EYS: variants seen among roughly 807,000 people sequenced by gnomAD.
EYS encodes protein eyes shut homolog.
In EYS, 250 loss-of-function variants were observed where a neutral mutation model predicts 282.1. The ratio of observed to expected loss-of-function variants is 0.89; its 90% CI spans 0.80 to 0.98. The LOEUF is 0.98. Among genes scored for constraint, EYS ranks in the 50% least tolerant of loss-of-function variants. The probability of loss-of-function intolerance (pLI) is 0.00; values close to 1 mark genes in which losing one functional copy is unlikely to be tolerated. For missense variants in EYS, 4,016 were observed against 3,709.0 expected (o/e 1.08, Z -2.15); for synonymous variants, 1,355 against 1,282.9 (o/e 1.06, Z -1.20).
intron 12 of EYS, among the ~76,000 whole-genome samples, chr6:65,118,867 G>C (rs933541347): frequency 3.5e-5 from 5 of 141,414 alleles, no homozygotes; most frequent in African/African-American, 1.4e-4. Flanking sequence ...AAGTTTCACA[G>C]GTTCTTTAAG....
At chr6:65,403,864 T>G (rs1354616970) in intron 6 of EYS, among the ~76,000 whole-genome samples, 1 of 152,078 alleles carries the variant, frequency 6.6e-6, no homozygotes, top group Non-Finnish European at 1.5e-5. Flanking sequence ...TTGTCAACTT[T>G]AAAAGCAAAA....
At chr6:64,093,304 G>A (rs1382748110) in intron 31 of EYS, among the ~76,000 whole-genome samples, 2 of 152,122 alleles carry the variant, frequency 1.3e-5, no homozygotes, top group Non-Finnish European at 2.9e-5. Context: ...GTCATTGGTA[G>A]CTTGATGGGG....
chr6:64,235,552 G>A (rs892902409), intron 30 of EYS, among the ~76,000 whole-genome samples: 4 of 152,024 alleles, frequency 2.6e-5, no homozygotes, highest in Non-Finnish European at 4.4e-5. Flanking sequence ...AAAAATATAT[G>A]TGTGCATGTG....
At position 64,590,472 on chromosome 6, in the gene EYS, T is replaced by C. The variant is rs144694451; in HGVS notation, c.5395A>G (p.Thr1799Ala). Residue 1799 changes from threonine to alanine, a missense_variant, in exon 26 of 43, where the codon ACT (threonine) becomes GCT (alanine). Thr to Ala is a moderately conservative substitution (Grantham distance 58). Coordinates refer to ENST00000503581, the MANE Select transcript of EYS (RefSeq NM_001142800.2). The part of the protein sequence containing the change: ...TNVAFYTVSA[T>A]PALSIQTSSS... ...GACGTCTGTATTGAAAGTGCTGGAG[T>C]TGCTGAAACTGTATAAAATGCAACA... 2.2e-5 allele frequency: 34 copies of C among 1,551,318 alleles called. No homozygotes were observed. The highest frequency in any genetic ancestry group is 1.7e-4 in the South Asian group (14 of 84,062).
At chr6:63,843,110 T>C (rs1291518394) in intron 36 of EYS, among the ~76,000 whole-genome samples, 1 of 152,218 alleles carries the variant, frequency 6.6e-6, no homozygotes, top group Non-Finnish European at 1.5e-5. Context: ...TGGTTTCATA[T>C]GAAATTTAAA....
intron 2 of EYS, among the ~76,000 whole-genome samples, chr6:65,567,614 T>C (rs1764322705): frequency 6.6e-6 from 1 of 152,100 alleles, no homozygotes; most frequent in South Asian, 2.1e-4. Flanking sequence ...AGGAAATGTA[T>C]CATTATTTTA....
intron 26 of EYS, among the ~76,000 whole-genome samples, chr6:64,544,702 C>CCA (rs937218761): frequency 3.9e-5 from 6 of 151,978 alleles, no homozygotes; most frequent in African/African-American, 1.2e-4. Flanking sequence ...ACCACCAATC[C>CCA]CACAAATATA....
intron 12 of EYS, among the ~76,000 whole-genome samples, chr6:65,164,881 G>T (rs895664728): frequency 1.3e-5 from 2 of 151,178 alleles, no homozygotes; most frequent in Admixed American, 1.3e-4. Context: ...TGTCTTGTGT[G>T]CTTGTATCTG....
chr6:65,574,420 A>G (rs1019964561), intron 2 of EYS, among the ~76,000 whole-genome samples: 14 of 152,224 alleles, frequency 9.2e-5, no homozygotes, highest in Non-Finnish European at 1.6e-4. Flanking sequence ...ACTGAGAGTG[A>G]AAGAATGGAA....
chr6:64,512,828 C>G (rs1263186107), intron 26 of EYS, among the ~76,000 whole-genome samples: 1 of 151,826 alleles, frequency 6.6e-6, no homozygotes, highest in Non-Finnish European at 1.5e-5. Flanking sequence ...TAGTGTTCAG[C>G]ATTTTCCAAA....
chr6:64,316,667 C>G (rs999437890), intron 29 of EYS, among the ~76,000 whole-genome samples: 2 of 152,114 alleles, frequency 1.3e-5, no homozygotes, highest in African/African-American at 4.8e-5. Context: ...AATTCTATCC[C>G]CATCAAGCTA....
chr6:64,896,551 T>G (rs79958347), intron 18 of EYS, among the ~76,000 whole-genome samples: 37 of 83,354 alleles, frequency 4.4e-4, no homozygotes, highest in Non-Finnish European at 7.3e-4. Flanking sequence ...TGTTGTTTTT[T>G]TTTTTTTTTT....
chr6:65,056,349 C>T (rs940584955), intron 13 of EYS, among the ~76,000 whole-genome samples: 1 of 151,826 alleles, frequency 6.6e-6, no homozygotes, highest in African/African-American at 2.4e-5. Flanking sequence ...TATGAAAATC[C>T]AAAATCTGGG....
chr6:64,948,191 A>G (rs986632203), intron 14 of EYS, among the ~76,000 whole-genome samples: 7 of 151,558 alleles, frequency 4.6e-5, no homozygotes, highest in African/African-American at 1.7e-4. Flanking sequence ...TATAATTTAA[A>G]AAATTAAAAT....
intron 12 of EYS, among the ~76,000 whole-genome samples, chr6:65,099,667 G>A (rs1015082809): frequency 6.6e-6 from 1 of 150,696 alleles, no homozygotes; most frequent in Non-Finnish European, 1.5e-5. Flanking sequence ...CATATTAAAT[G>A]TGAGATTATA....
chr6:64,099,586 A>G (rs1302571346), intron 31 of EYS, among the ~76,000 whole-genome samples: 2 of 152,170 alleles, frequency 1.3e-5, no homozygotes, highest in Non-Finnish European at 2.9e-5. Flanking sequence ...TCTTGTTGAC[A>G]ATATCTGGTG....
intron 12 of EYS, among the ~76,000 whole-genome samples, chr6:65,159,312 A>G (rs554341262): frequency 6.6e-6 from 1 of 150,906 alleles, no homozygotes; most frequent in Non-Finnish European, 1.5e-5. Context: ...TCATCCAGTG[A>G]CCTGGCAGTG....
At chr6:65,391,420 C>T (rs1267583091) in intron 7 of EYS, among the ~76,000 whole-genome samples, 1 of 151,868 alleles carries the variant, frequency 6.6e-6, no homozygotes, top group Admixed American at 6.6e-5. Context: ...TCAAAAAAAC[C>T]CCATTGTCTC....
At chr6:65,539,966 A>G (rs1281360049) in intron 2 of EYS, among the ~76,000 whole-genome samples, 3 of 152,238 alleles carry the variant, frequency 2.0e-5, no homozygotes, top group Admixed American at 2.0e-4. Flanking sequence ...GCACGCAGCC[A>G]TCTGTGAAGC....
Sources: gnomAD v4.1 joint callset for allele counts (sites outside exome capture counted in the v4.1 genomes callset) on GRCh38, gnomAD v4.1.1 for gene constraint, MANE v1.5 for transcripts, NCBI Gene and HGNC (gene_info 2026-07-23, HGNC 2026-07-21) for gene names.